NRIP1: variants seen among roughly 807,000 people sequenced by gnomAD.
The protein encoded by NRIP1 is nuclear receptor interacting protein 1.
Under a neutral mutation model 75.0 loss-of-function variants are expected in NRIP1, and 28 were observed. The observed-to-expected ratio is 0.37, with a 90% CI of 0.28 to 0.51. The LOEUF (loss-of-function observed/expected upper bound fraction) is 0.51. Among genes scored for constraint, NRIP1 ranks in the 20% least tolerant of loss-of-function variants. The probability of loss-of-function intolerance (pLI) is 0.92; values close to 1 mark genes in which losing one functional copy is unlikely to be tolerated. For missense variants in NRIP1, 1,435 were observed against 1,343.7 expected (o/e 1.07, Z -1.06); for synonymous variants, 526 against 487.6 (o/e 1.08, Z -1.04).
chr21:15,054,739 A>G (rs2089271867), intron 1 of NRIP1, among the ~76,000 whole-genome samples: 1 of 152,234 alleles, frequency 6.6e-6, no homozygotes, highest in Admixed American at 6.5e-5. Flanking sequence ...AGTTCAATTT[A>G]ACAAATGCTT....
intron 3 of NRIP1, among the ~76,000 whole-genome samples, chr21:14,977,424 GA>G (rs904358645): frequency 6.6e-6 from 1 of 152,166 alleles, no homozygotes; most frequent in Non-Finnish European, 1.5e-5. Flanking sequence ...CCGAAGGGAT[GA>G]AAGTAGCTTT....
chr21:15,002,795 C>T (rs1030725851), intron 3 of NRIP1, among the ~76,000 whole-genome samples: 1 of 152,118 alleles, frequency 6.6e-6, no homozygotes, highest in Non-Finnish European at 1.5e-5. Flanking sequence ...ATAGACTCTG[C>T]ATGGATTCTT....
At chr21:15,030,382 G>C (rs966037497) in intron 2 of NRIP1, among the ~76,000 whole-genome samples, 4 of 152,144 alleles carry the variant, frequency 2.6e-5, no homozygotes, top group Non-Finnish European at 5.9e-5. Flanking sequence ...TTCCCACACT[G>C]GGTTAAGTCA....
At chr21:15,014,792 C>CA (rs1343716800) in intron 2 of NRIP1, among the ~76,000 whole-genome samples, 2 of 143,104 alleles carry the variant, frequency 1.4e-5, no homozygotes, top group African/African-American at 5.2e-5. Flanking sequence ...AATTTACATA[C>CA]AAAAAATTAT....
intron 3 of NRIP1, chr21:14,992,280 C>T (rs2087594402): frequency 6.6e-6 from 1 of 152,154 alleles, no homozygotes; most frequent in Non-Finnish European, 1.5e-5. Context: ...AACTCCCGGA[C>T]TCAAGTGATC....
chr21:14,963,783 G>C lies in NRIP1; in HGVS notation c.*933C>G, dbSNP rs1238368462. ...TTCTAATGCAAGTGGTCTGAGTTCA[G>C]GTTTAAGGAATCCTGGTCATAACAC... On this transcript the variant is annotated 3_prime_UTR_variant, in exon 4 of 4. Coordinates refer to ENST00000318948, the MANE Select transcript of NRIP1 (RefSeq NM_003489.4). The C allele has an allele frequency of 6.6e-6, 1 of 152,088 alleles. No homozygotes were observed. The highest frequency in any genetic ancestry group is 1.5e-5 in the Non-Finnish European group (1 of 67,998). The allele number at this position is 152,088 out of a possible 1,614,324, so 9.4% of individuals were successfully genotyped here. A position where few individuals can be genotyped will look rare whatever the true frequency, so the allele number is the denominator to read the frequency against.
chr21:14,965,111 C>G lies in NRIP1; in HGVS notation c.3082G>C (p.Gly1028Arg), dbSNP rs2086692401. ...GGCATGGAACACCCATTCAAAAGCC[C>G]AGATTCTGGTCTAGACCCTGCACAG... The part of the protein sequence containing the change: ...LGCAGSRPES[G>R]LLNGCSMPSE... Residue 1028 changes from glycine to arginine, a missense_variant, in exon 4 of 4, where the codon GGG becomes CGG. By Grantham distance (125) the Gly-to-Arg change is moderately radical. Transcript: ENST00000318948. 1 of 1,613,110 alleles carries G rather than the reference C, an allele frequency of 6.2e-7. No individual in the cohort carries two copies. The highest frequency in any genetic ancestry group is 2.2e-5 in the East Asian group (1 of 44,884).
intron 1 of NRIP1, among the ~76,000 whole-genome samples, chr21:15,044,380 A>T (rs1047597560): frequency 3.3e-5 from 5 of 151,182 alleles, no homozygotes; most frequent in Non-Finnish European, 7.4e-5. Context: ...TCAGGAACAA[A>T]AGAGTGGATC....
In NRIP1 at chr21:14,966,724, G is replaced by A. The variant is rs143089816; in HGVS notation, c.1469C>T (p.Ser490Phe). Residue 490 changes from serine (S) to phenylalanine (F), a missense_variant, in exon 4 of 4, where the codon TCT (serine) becomes TTT (phenylalanine). Physicochemically the swap from Ser to Phe is radical, Grantham distance 155 (BLOSUM62 -2). Transcript: ENST00000318948. ...IKEDQDTSKN[S>F]KLNSHQKVTL... ...TACTTTCTGGTGTGAGTTTAGCTTA[G>A]AATTCTTTGAGGTATCTTGATCTTC... The A allele has an allele frequency of 9.4e-5, 151 of 1,614,012 alleles. No homozygotes were observed. In the East Asian group the frequency reaches 2.7e-3, roughly 29 times the overall value.
At chr21:15,032,497 T>TAA (rs35637698) in intron 2 of NRIP1, among the ~76,000 whole-genome samples, 7 of 145,728 alleles carry the variant, frequency 4.8e-5, no homozygotes, top group African/African-American at 1.2e-4. Context: ...ATGATGGCTC[T>TAA]AAAAAAAAAA....
intron 1 of NRIP1, among the ~76,000 whole-genome samples, chr21:15,044,416 A>G (rs924848763): frequency 2.6e-5 from 4 of 151,594 alleles, no homozygotes; most frequent in African/African-American, 9.7e-5. Flanking sequence ...CAAGAGATGT[A>G]GCAAACAATT....
chr21:15,055,809 CT>C (rs1311580000), intron 1 of NRIP1, among the ~76,000 whole-genome samples: 1 of 152,136 alleles, frequency 6.6e-6, no homozygotes, highest in East Asian at 1.9e-4. Flanking sequence ...TTCTTAAGGA[CT>C]CAATTTCTTC....
chr21:14,996,479 C>A (rs1363685076), intron 3 of NRIP1, among the ~76,000 whole-genome samples: 1 of 152,184 alleles, frequency 6.6e-6, no homozygotes, highest in Non-Finnish European at 1.5e-5. Context: ...TTAAATATCA[C>A]CCGCTAAGAT....
chr21:15,031,571 G>A (rs947366904), intron 2 of NRIP1, among the ~76,000 whole-genome samples: 2 of 140,406 alleles, frequency 1.4e-5, no homozygotes, highest in South Asian at 2.4e-4. Context: ...CTTTCTATGT[G>A]TATACACTCT....
intron 1 of NRIP1, among the ~76,000 whole-genome samples, chr21:15,049,970 T>C (rs2089167244): frequency 6.6e-6 from 1 of 152,168 alleles, no homozygotes; most frequent in African/African-American, 2.4e-5. Flanking sequence ...CCTTTGTAAA[T>C]GAGAAATAAA....
chr21:15,052,693 T>A (rs556784181), intron 1 of NRIP1, among the ~76,000 whole-genome samples: 1 of 152,210 alleles, frequency 6.6e-6, no homozygotes, highest in South Asian at 2.1e-4. Flanking sequence ...TATATGCATA[T>A]GAATTGCTGC....
At position 15,033,425 on chromosome 21, in the gene NRIP1, A is replaced by T. The variant is rs542536037; in HGVS notation, c.-458+10070T>A. 2.0e-5 allele frequency among the ~76,000 whole-genome samples: 3 copies of T among 152,262 alleles called. No individual in the cohort carries two copies. The East Asian group carries it at 5.8e-4, about 29-fold the overall frequency. On this transcript the variant is annotated intron_variant, in intron 2 of 3. Coordinates refer to ENST00000318948, the MANE Select transcript of NRIP1 (RefSeq NM_003489.4). ...TAAGTAAGTGGCAGAGTTGGGGTTC[A>T]TACCTAGATTATCTGGTCTTGTTCA...
chr21:15,045,900 A>T (rs1415213278), intron 1 of NRIP1, among the ~76,000 whole-genome samples: 1 of 152,204 alleles, frequency 6.6e-6, no homozygotes, highest in Non-Finnish European at 1.5e-5. Flanking sequence ...GTAACTCCTC[A>T]TCCGTCCATG....
Position 14,967,585 on chromosome 21 carries a change from A to C in NRIP1, c.608T>G (p.Leu203Arg), listed in dbSNP as rs767345604. The C allele has an allele frequency of 1.5e-5, 24 of 1,614,154 alleles. No homozygotes were observed. The highest frequency in any genetic ancestry group is 3.3e-4 in the Middle Eastern group (2 of 6,060). Residue 203 changes from leucine to arginine, a missense_variant, in exon 4 of 4, where the codon CTT becomes CGT. Leu to Arg is a moderately radical substitution (Grantham distance 102). Transcript: ENST00000318948. ...GATGAGGTTTTTAGTCACATCAGGA[A>C]GATTCGTATCAGGCTTTTGATCTTT... ...KVKDQKPDTNLPDVTKNLIRD... is the reference protein window; with the variant it reads ...KVKDQKPDTNRPDVTKNLIRD...
Sources: allele counts gnomAD v4.1 joint callset (sites outside exome capture counted in the v4.1 genomes callset), GRCh38; gene constraint gnomAD v4.1.1; transcripts MANE v1.5; gene names NCBI Gene and HGNC (gene_info 2026-07-23, HGNC 2026-07-21).